The following ATP6V0A4 variants were observed in gnomAD, a reference collection of about 807,000 sequenced individuals.
ATP6V0A4 encodes the protein V-type proton ATPase 116 kDa subunit a 4.
A neutral mutation model predicts 107.3 loss-of-function variants in ATP6V0A4; 86 were observed. That is an observed-to-expected ratio of 0.80 (90% CI 0.67 to 0.96). The LOEUF is 0.96. Among genes scored for constraint, ATP6V0A4 ranks in the 40% least tolerant of loss-of-function variants. ATP6V0A4 has a pLI of 0.00. For synonymous variants in ATP6V0A4, 353 were observed against 381.4 expected (o/e 0.93, Z 0.87); for missense variants, 908 against 1,045.6 (o/e 0.87, Z 1.81).
At chr7:138,754,771 G>T (rs1448307397) in intron 10 of ATP6V0A4, among the ~76,000 whole-genome samples, 4 of 151,936 alleles carry the variant, frequency 2.6e-5, no homozygotes, top group African/African-American at 4.8e-5. Context: ...TAGACTACAG[G>T]TGACTGCCAC....
chr7:138,743,574 G>T (rs562415762), intron 14 of ATP6V0A4, among the ~76,000 whole-genome samples: 1 of 152,098 alleles, frequency 6.6e-6, no homozygotes, highest in Non-Finnish European at 1.5e-5. Flanking sequence ...CATTTATGAC[G>T]TTCACCACAG....
chr7:138,743,496 T>C (rs1805745521), intron 14 of ATP6V0A4, among the ~76,000 whole-genome samples: 1 of 150,022 alleles, frequency 6.7e-6, no homozygotes. Flanking sequence ...AAAAAATAAA[T>C]AAACCCAGGA....
At chr7:138,797,702 A>G (rs79089432) in intron 1 of ATP6V0A4, among the ~76,000 whole-genome samples, 9,917 of 152,108 alleles carry the variant, frequency 0.065, 329 homozygotes, top group South Asian at 0.085. Flanking sequence ...TGCTCAGTGA[A>G]TATTGGCCCA....
intron 21 of ATP6V0A4, among the ~76,000 whole-genome samples, chr7:138,707,068 A>ATATGTGTGTGTGTGTG (rs1554385692): frequency 1.1e-5 from 1 of 90,094 alleles, no homozygotes; most frequent in African/African-American, 5.1e-5. Context: ...GCTAATTTAT[A>ATATGTGTGTGTGTGTG]TGTGTGTGTG....
intron 15 of ATP6V0A4, among the ~76,000 whole-genome samples, chr7:138,736,363 G>T (rs892040076): frequency 6.6e-5 from 10 of 152,148 alleles, no homozygotes; most frequent in African/African-American, 2.4e-4. Flanking sequence ...ATGAGATATA[G>T]TTATTCTCAT....
At chr7:138,716,934 A>C (rs1804071618) in intron 19 of ATP6V0A4, among the ~76,000 whole-genome samples, 1 of 152,154 alleles carries the variant, frequency 6.6e-6, no homozygotes, top group Non-Finnish European at 1.5e-5. Flanking sequence ...AATATGTAGA[A>C]GGGTTCCCAT....
intron 18 of ATP6V0A4, among the ~76,000 whole-genome samples, chr7:138,723,055 C>CA (rs34685977): frequency 0.29 from 35,260 of 122,126 alleles, 5,281 homozygotes; most frequent in Admixed American, 0.42. Flanking sequence ...GAGACTGTCT[C>CA]AAAAAAAAAA....
chr7:138,793,132 C>T (rs181215408), intron 1 of ATP6V0A4, among the ~76,000 whole-genome samples: 2 of 151,772 alleles, frequency 1.3e-5, no homozygotes, highest in South Asian at 2.1e-4. Flanking sequence ...CTGTTTCTAC[C>T]AAAAATACAA....
At chr7:138,741,992 G>A (rs1211637551) in intron 14 of ATP6V0A4, among the ~76,000 whole-genome samples, 2 of 152,164 alleles carry the variant, frequency 1.3e-5, no homozygotes, top group Non-Finnish European at 2.9e-5. Flanking sequence ...ACATTTGCAG[G>A]TGCATAAGAG....
chr7:138,760,132 C>T (rs961075379), intron 7 of ATP6V0A4, among the ~76,000 whole-genome samples: 2 of 152,108 alleles, frequency 1.3e-5, no homozygotes, highest in Non-Finnish European at 2.9e-5. Context: ...ACTATATCGT[C>T]ACTAATTGCA....
intron 6 of ATP6V0A4, 50 bp from the exon 7 acceptor site, chr7:138,762,484 C>G: frequency 6.2e-7 from 1 of 1,608,248 alleles, no homozygotes; most frequent in Non-Finnish European, 8.5e-7. Context: ...TAGGGAAACT[C>G]AAAAGGCACC....
rs540972213 is a variant in ATP6V0A4, at chr7:138,728,474, G to A, written c.2010+287C>T. Among the ~76,000 whole-genome samples the A allele has an allele frequency of 7.9e-5, 12 of 151,994 alleles. No homozygotes were observed. The South Asian group carries it at 1.5e-3, about 18-fold the overall frequency. ...ACTCCCGACCTCAGGTGATCCACCC[G>A]CCTCGGCCTCCCAAAGTGCTAGGAT... On this transcript the variant is annotated intron_variant, in intron 18 of 21. Transcript: ENST00000310018.
chr7:138,706,886 AG>A, intron 21 of ATP6V0A4, 169 bp from the exon 22 acceptor site: 1 of 417,978 alleles, frequency 2.4e-6, no homozygotes, highest in Non-Finnish European at 3.0e-6. Flanking sequence ...GAGAATCCTG[AG>A]GATTTTTTTT....
Position 138,755,738 on chromosome 7 carries a change from C to T in ATP6V0A4, c.767G>A (p.Arg256His), listed in dbSNP as rs775496062. 12 of 1,613,654 alleles carry T rather than the reference C, an allele frequency of 7.4e-6. No homozygotes were observed. Among genetic ancestry groups the T allele is most frequent in the East Asian group, 2.2e-5 (1 of 44,894 alleles). ...VYPCPEPAVE[R>H]REMLESVNVR... ...ATTGACGCTCTCCAACATCTCTCTG[C>T]GCTCCACCGCAGGCTCTGGGCAAGG... The change falls in exon 10 of 22, where the codon CGC becomes CAC. Residue 256 changes from arginine (R) to histidine (H), a missense_variant. Coordinates refer to ENST00000310018, the MANE Select transcript of ATP6V0A4 (RefSeq NM_020632.3).
At chr7:138,765,895 G>A (rs1026829175) in intron 5 of ATP6V0A4, among the ~76,000 whole-genome samples, 5 of 151,998 alleles carry the variant, frequency 3.3e-5, no homozygotes, top group African/African-American at 9.7e-5. Context: ...GACCACAGGT[G>A]CACACCACCA....
intron 17 of ATP6V0A4, among the ~76,000 whole-genome samples, chr7:138,730,975 C>T (rs913552345): frequency 8.4e-6 from 1 of 119,014 alleles, no homozygotes; most frequent in Non-Finnish European, 1.6e-5. Context: ...CTCTTGTTGT[C>T]CAGGCTGGAG....
intron 7 of ATP6V0A4, 96 bp from the exon 8 acceptor site, chr7:138,759,974 G>A (rs1584932653): frequency 5.6e-6 from 9 of 1,597,632 alleles, no homozygotes; most frequent in Non-Finnish European, 7.7e-6. Flanking sequence ...TGAAAGGAAG[G>A]GCCATTCACT....
chr7:138,740,999 T>C (rs1452434591), intron 14 of ATP6V0A4, among the ~76,000 whole-genome samples: 3 of 151,484 alleles, frequency 2.0e-5, no homozygotes, highest in African/African-American at 7.3e-5. Context: ...CAAAAATTAG[T>C]TGGGCGTGGT....
intron 11 of ATP6V0A4, among the ~76,000 whole-genome samples, chr7:138,749,717 A>G (rs1026537395): frequency 1.3e-4 from 20 of 151,962 alleles, no homozygotes; most frequent in African/African-American, 4.8e-4. Context: ...CCAATGTGTC[A>G]CCAACCCCAC....
Sources: gnomAD v4.1 joint callset for allele counts (sites outside exome capture counted in the v4.1 genomes callset) on GRCh38, gnomAD v4.1.1 for gene constraint, MANE v1.5 for transcripts, NCBI Gene and HGNC (gene_info 2026-07-23, HGNC 2026-07-21) for gene names.